The following ADAMTS7 variants were observed in gnomAD, a reference collection of about 807,000 sequenced individuals.
The protein encoded by ADAMTS7 is A disintegrin and metalloproteinase with thrombospondin motifs 7.
ADAMTS7 carries 89 observed loss-of-function variants against 172.6 expected under a neutral mutation model. The ratio of observed to expected loss-of-function variants is 0.52; its 90% confidence interval spans 0.43 to 0.61. The LOEUF is 0.61. ADAMTS7 is among the 20% of genes least tolerant of loss of function. The pLI is 0.00. For missense variants in ADAMTS7, 1,973 were observed against 2,355.6 expected (o/e 0.84, Z 3.36); for synonymous variants, 885 against 978.4 (o/e 0.90, Z 1.78).
At position 78,763,684 on chromosome 15, in the gene ADAMTS7, C is replaced by G; in HGVS notation, c.4740+15G>C. ...CAAGCACTTGCTCCCTGCTCCTCCC[C>G]GCAGCCCGGCTCACCTGGCCCCAGG... is the stretch of plus-strand genomic sequence containing the variant. On this transcript the variant is annotated intron_variant, in intron 22 of 23. Coordinates refer to ENST00000388820, the MANE Select transcript of ADAMTS7 (RefSeq NM_014272.5). 1 of 1,520,340 alleles carries G rather than the reference C, an allele frequency of 6.6e-7. No homozygotes were observed. The highest frequency in any genetic ancestry group is 1.3e-5 in the South Asian group (1 of 79,006). The allele number at this position is 1,520,340 out of a possible 1,614,324, so 94.2% of individuals were successfully genotyped here.
rs1044019640 is a variant in ADAMTS7 at position 78,768,249 on chromosome 15, C to T, written c.2529G>A (p.Arg843=). The change falls in exon 17 of 24, where the codon AGG becomes AGA. Residue 843 remains arginine (R), a synonymous_variant. Transcript: ENST00000388820. ...GCCGCTCCAAGCAGTACACATTCTGCCTCTGCACACCTAGGGGCCACGGGG... is the reference window on the plus strand; with the variant it reads ...GCCGCTCCAAGCAGTACACATTCTGTCTCTGCACACCTAGGGGCCACGGGG... The part of the protein sequence containing the change: ...CTVTCGRGVQ[R]QNVYCLERQA... The T allele has an allele frequency of 1.3e-5, 21 of 1,610,660 alleles. No individual in the cohort carries two copies. In the Admixed American group the frequency reaches 2.8e-4, roughly 22 times the overall value.
At position 78,793,199 on chromosome 15, in the gene ADAMTS7, A is replaced by G. The variant is rs372713771; in HGVS notation, c.820-1976T>C. Reference sequence around the variant, plus strand: ...GGTAAGTGAAGCTCAAAGAGAGGGTAAAACTGGGCTCAGAACCCAGGTTTC... The same window carrying G: ...GGTAAGTGAAGCTCAAAGAGAGGGTGAAACTGGGCTCAGAACCCAGGTTTC... On this transcript the variant is annotated intron_variant, in intron 4 of 23. Coordinates refer to ENST00000388820, the MANE Select transcript of ADAMTS7 (RefSeq NM_014272.5). Among the ~76,000 whole-genome samples, 28 of 152,302 alleles carry G rather than the reference A, an allele frequency of 1.8e-4. No individual in the cohort carries two copies. In the East Asian group the frequency reaches 2.1e-3, roughly 12 times the overall value.
intron 1 of ADAMTS7, among the ~76,000 whole-genome samples, chr15:78,807,207 G>C (rs927383877): frequency 6.6e-6 from 1 of 152,220 alleles, no homozygotes; most frequent in African/African-American, 2.4e-5. Flanking sequence ...GGAGCTACAT[G>C]ACACTCTTTT....
At chr15:78,794,588 A>AGCC (rs1481850520) in intron 4 of ADAMTS7, among the ~76,000 whole-genome samples, 2 of 152,216 alleles carry the variant, frequency 1.3e-5, no homozygotes, top group Admixed American at 1.3e-4. Context: ...TCACCAAGTG[A>AGCC]ATGGGTAGGT....
At position 78,794,534 on chromosome 15, in the gene ADAMTS7, G is replaced by C. The variant is rs78943797; in HGVS notation, c.819+2056C>G. On this transcript the variant is annotated intron_variant, in intron 4 of 23. Transcript: ENST00000388820. ...AGAAAAGCTTGATATTGTCAGAGCA[G>C]GTGAGTGTGAGAACCAGTCCCACCC... 9.1e-3 allele frequency among the ~76,000 whole-genome samples: 1,383 copies of C among 152,332 alleles called. 53 individuals carry two copies. The East Asian group carries it at 0.12, about 13-fold the overall frequency.
At chr15:78,779,622 G>A (rs2055402327) in intron 8 of ADAMTS7, among the ~76,000 whole-genome samples, 1 of 152,192 alleles carries the variant, frequency 6.6e-6, no homozygotes. Context: ...CTGCACCCGG[G>A]GCAGAGTATC....
chr15:78,785,560 A>G (rs989862135), intron 8 of ADAMTS7, among the ~76,000 whole-genome samples: 14 of 151,378 alleles, frequency 9.2e-5, no homozygotes, highest in African/African-American at 2.7e-4. Flanking sequence ...AAAAAAAAAA[A>G]AAAGAAAAGA....
At chr15:78,770,045 C>A (rs1350127869) in intron 16 of ADAMTS7, among the ~76,000 whole-genome samples, 1 of 152,074 alleles carries the variant, frequency 6.6e-6, no homozygotes, top group African/African-American at 2.4e-5. Context: ...GCCTGTAAAT[C>A]CCAGCTACTC....
At position 78,763,784 on chromosome 15, in the gene ADAMTS7, A is replaced by T. The variant is rs2055089426; in HGVS notation, c.4655T>A (p.Leu1552His). The T allele has an allele frequency of 6.3e-7, 1 of 1,593,550 alleles. No homozygotes were observed. Reference sequence around the variant, plus strand: ...GTTGGGTCTCAGCGCCTCCTCGCAGAGGCCTGGCTCCGGGCAGGTCACTAG... The same window carrying T: ...GTTGGGTCTCAGCGCCTCCTCGCAGTGGCCTGGCTCCGGGCAGGTCACTAG... Reference protein sequence around the residue: ...QRLVTCPEPGLCEEALRPNTT... With the variant: ...QRLVTCPEPGHCEEALRPNTT... Residue 1552 changes from leucine (L) to histidine (H), a missense_variant, in exon 22 of 24, where the codon CTC becomes CAC. By Grantham distance (99) the Leu-to-His change is moderately conservative. Around this residue, in one of 8 missense-constraint regions of ADAMTS7, gnomAD observed 218 missense variants for 216.9 expected, o/e 1.01. Coordinates refer to ENST00000388820, the MANE Select transcript of ADAMTS7 (RefSeq NM_014272.5).
chr15:78,776,698 G>A (rs1305383114), intron 10 of ADAMTS7, 51 bp downstream of exon 10: 13 of 1,503,914 alleles, frequency 8.6e-6, no homozygotes, highest in Non-Finnish European at 1.2e-5. Flanking sequence ...GGTCACAGCA[G>A]GAAGTCTGGC....
At chr15:78,774,376 GAC>G (rs2055304051) in intron 12 of ADAMTS7, 76 bp from the exon 13 acceptor site, 1 of 1,475,374 alleles carries the variant, frequency 6.8e-7, no homozygotes, top group Admixed American at 2.1e-5. Flanking sequence ...ACCCCTCCGT[GAC>G]ACACATCCAT....
intron 17 of ADAMTS7, 148 bp from the exon 18 acceptor site, chr15:78,767,740 A>G: frequency 1.3e-6 from 1 of 754,586 alleles, no homozygotes; most frequent in Non-Finnish European, 2.1e-6. Context: ...CAGAGCTCCA[A>G]GCTCAGGTAA....
chr15:78,789,876 C>A, intron 6 of ADAMTS7, 38 bp from the exon 7 acceptor site: 1 of 1,548,806 alleles, frequency 6.5e-7, no homozygotes, highest in South Asian at 1.2e-5. Flanking sequence ...GCTAACCTGG[C>A]CCAGTGCCAG....
chr15:78,784,900 G>A lies in ADAMTS7; in HGVS notation c.1322+3331C>T, dbSNP rs1222584821. On this transcript the variant is annotated intron_variant, in intron 8 of 23. Coordinates refer to ENST00000388820, the MANE Select transcript of ADAMTS7 (RefSeq NM_014272.5). The stretch of plus-strand genomic sequence containing the variant: ...GAAGGATAAAGACACTTTGAGACAG[G>A]CAAACCATTTACCTCCATGCACTCT... Among the ~76,000 whole-genome samples, 3 of 151,908 alleles carry A rather than the reference G, an allele frequency of 2.0e-5. No homozygotes were observed. In the East Asian group the frequency reaches 5.8e-4, roughly 29 times the overall value.
intron 2 of ADAMTS7, among the ~76,000 whole-genome samples, chr15:78,798,464 C>T (rs772217203): frequency 8.4e-4 from 128 of 152,330 alleles, no homozygotes; most frequent in Non-Finnish European, 1.4e-3. Context: ...CTGAGTGGGG[C>T]AGCTTGTGCC....
intron 1 of ADAMTS7, among the ~76,000 whole-genome samples, chr15:78,808,076 G>A (rs2055819294): frequency 6.6e-6 from 1 of 152,150 alleles, no homozygotes; most frequent in East Asian, 1.9e-4. Context: ...GGCTGGTCTT[G>A]AATTTCTGGG....
At chr15:78,784,910 T>C (rs1027596360) in intron 8 of ADAMTS7, among the ~76,000 whole-genome samples, 1 of 151,910 alleles carries the variant, frequency 6.6e-6, no homozygotes, top group African/African-American at 2.4e-5. Flanking sequence ...GCAAACCATT[T>C]ACCTCCATGC....
At chr15:78,777,379 A>C in intron 9 of ADAMTS7, 65 bp downstream of exon 9, 1 of 1,553,272 alleles carries the variant, frequency 6.4e-7, no homozygotes, top group South Asian at 1.2e-5. Flanking sequence ...CGGGCTGGTG[A>C]GAGCTGCCCC....
chr15:78,790,660 G>C lies in ADAMTS7; in HGVS notation c.1028+10C>G, dbSNP rs1343196992. 1 of 1,613,074 alleles carries C rather than the reference G, an allele frequency of 6.2e-7. No homozygotes were observed. Among genetic ancestry groups the C allele is most frequent in the South Asian group, 1.1e-5 (1 of 91,046 alleles). On this transcript the variant is annotated intron_variant, in intron 6 of 23. Transcript: ENST00000388820. ...AGATGCAGGCTCCCACCCTCCTGCG[G>C]CTGCAGTACCTGGTGAGCAGGATGG...
Sources: gnomAD v4.1 joint callset for allele counts (sites outside exome capture counted in the v4.1 genomes callset) on GRCh38, gnomAD v4.1.1 for gene constraint, gnomAD v4.1.1 regional missense constraint, MANE v1.5 for transcripts, NCBI Gene and HGNC (gene_info 2026-07-23, HGNC 2026-07-21) for gene names.